Variants in URI1 observed in about 807,000 individuals in gnomAD.
URI1 encodes the protein URI1 prefoldin like chaperone, also known as unconventional prefoldin RPB5 interactor 1.
A neutral mutation model predicts 60.2 loss-of-function variants in URI1; 39 were observed. That is an observed-to-expected ratio of 0.65 (90% CI 0.50 to 0.85). The LOEUF (loss-of-function observed/expected upper bound fraction) is 0.85. URI1 is among the 40% of genes least tolerant of loss of function. The pLI is 0.00. For missense variants in URI1, 691 were observed against 665.9 expected (o/e 1.04, Z -0.42); for synonymous variants, 251 against 236.8 (o/e 1.06, Z -0.55).
At chr19:29,983,717 G>A (rs1464829113) in intron 2 of URI1, among the ~76,000 whole-genome samples, 1 of 152,136 alleles carries the variant, frequency 6.6e-6, no homozygotes, top group African/African-American at 2.4e-5. Flanking sequence ...AAAGTTTGAC[G>A]GGCATCTTGG....
At position 29,942,474 on chromosome 19, in the gene URI1, C is replaced by CA; in HGVS notation, c.-72dup. On this transcript the variant is annotated 5_prime_UTR_variant, in exon 1 of 11. An upstream open reading frame in the 5' UTR loses its in-frame stop. Transcript: ENST00000392271. ...TGAGGGCGGGCGCGCGGGCGCTGGG[C>CA]AACTGCCGGCCGCGCCGCCTGCGCA... 9.3e-7 allele frequency: 1 copy of CA among 1,078,764 alleles called. No homozygotes were observed. Among genetic ancestry groups the CA allele is most frequent in the Non-Finnish European group, 1.1e-6 (1 of 889,802 alleles). The allele number at this position is 1,078,764 out of a possible 1,614,324, so 66.8% of individuals were successfully genotyped here. A position where few individuals can be genotyped will look rare whatever the true frequency, so the allele number is the denominator to read the frequency against.
chr19:29,954,701 A>G (rs933771811), intron 1 of URI1, among the ~76,000 whole-genome samples: 1 of 151,770 alleles, frequency 6.6e-6, no homozygotes, highest in African/African-American at 2.4e-5. Flanking sequence ...TATTTTTAGT[A>G]GAAATGGAGT....
In URI1 at chr19:30,011,153, C is replaced by T. The variant is rs2056012750; in HGVS notation, c.1095C>T (p.Ala365=). ...TLKFSEKKEE[A]KRKRKNSTGS... ...AATTCAGTGAAAAGAAAGAAGAAGC[C>T]AAACGTAAACGAAAGAACAGCACTG... Residue 365 remains alanine, a synonymous_variant, in exon 9 of 11, where the codon GCC becomes GCT. Transcript: ENST00000392271. The T allele has an allele frequency of 1.2e-6, 2 of 1,612,516 alleles. No individual in the cohort carries two copies. The highest frequency in any genetic ancestry group is 1.7e-5 in the Admixed American group (1 of 59,708).
upstream of URI1, among the ~76,000 whole-genome samples, chr19:29,941,622 T>TAA (rs1436201029): frequency 2.2e-5 from 3 of 139,054 alleles, no homozygotes; most frequent in African/African-American, 8.2e-5. Flanking sequence ...CTCAGTCTCT[T>TAA]AAAAAAAAAA....
Position 29,945,666 on chromosome 19 carries a change from CT to C in URI1, c.117+3003del, listed in dbSNP as rs757313688. ...GCAGCTTTGTTTATAAAGAGAAAAA[CT>C]AAAAGTCTGACATTGGGGGATTGGT... On this transcript the variant is annotated intron_variant, in intron 1 of 10. Transcript: ENST00000392271. Among the ~76,000 whole-genome samples, 143 of 152,242 alleles carry C rather than the reference CT, an allele frequency of 9.4e-4. 1 individual carries two copies. Among genetic ancestry groups the C allele is most frequent in the South Asian group, 2.3e-3 (11 of 4,826 alleles).
chr19:29,954,138 C>T (rs935748453), intron 1 of URI1, among the ~76,000 whole-genome samples: 4 of 152,140 alleles, frequency 2.6e-5, no homozygotes, highest in African/African-American at 7.2e-5. Context: ...TATTCATTTG[C>T]TCTATCCTAC....
chr19:29,995,586 T>G (rs1357977987), intron 4 of URI1, among the ~76,000 whole-genome samples: 3 of 152,084 alleles, frequency 2.0e-5, no homozygotes, highest in Non-Finnish European at 4.4e-5. Flanking sequence ...AGAGTGCCCT[T>G]TTACTTTCTT....
intron 7 of URI1, 81 bp downstream of exon 7, chr19:30,007,719 A>G (rs2055962974): frequency 7.9e-7 from 1 of 1,270,292 alleles, no homozygotes; most frequent in African/African-American, 1.5e-5. Flanking sequence ...CATTAATAAA[A>G]TAATATGTGT....
intron 1 of URI1, among the ~76,000 whole-genome samples, chr19:29,954,915 A>G (rs2055225340): frequency 6.6e-6 from 1 of 152,040 alleles, no homozygotes; most frequent in South Asian, 2.1e-4. Context: ...CTGCTTTCTT[A>G]TACAAAAGGC....
intron 4 of URI1, among the ~76,000 whole-genome samples, chr19:29,993,721 T>A (rs762459191): frequency 6.6e-6 from 1 of 152,118 alleles, no homozygotes; most frequent in Non-Finnish European, 1.5e-5. Flanking sequence ...ATCTAAAGGA[T>A]ATTTATTAAA....
chr19:29,990,017 A>G (rs1373880229), intron 4 of URI1, among the ~76,000 whole-genome samples: 1 of 152,120 alleles, frequency 6.6e-6, no homozygotes, highest in Non-Finnish European at 1.5e-5. Context: ...TTATACTTTG[A>G]TATTTTACAA....
intron 1 of URI1, among the ~76,000 whole-genome samples, chr19:29,952,903 T>C (rs2055197316): frequency 6.6e-6 from 1 of 152,214 alleles, no homozygotes; most frequent in Non-Finnish European, 1.5e-5. Flanking sequence ...CATTTATGAC[T>C]ATACATTTTG....
At position 30,012,388 on chromosome 19, in the gene URI1, G is replaced by A. The variant is rs780647923; in HGVS notation, c.1282G>A (p.Ala428Thr). Residue 428 changes from alanine (A) to threonine (T), a missense_variant, in exon 10 of 11, where the codon GCT (alanine) becomes ACT (threonine). Ala to Thr is a moderately conservative substitution (Grantham distance 58). Transcript: ENST00000392271. ...SVCSDTSESS[A>T]AEFDDRRGVL... is the part of the protein sequence containing the mutation. ...GTGTAGCGACACTAGTGAAAGCAGT[G>A]CTGCTGAATTTGATGATAGGCGGGG... is the stretch of plus-strand genomic sequence containing the variant. 6.2e-7 allele frequency: 1 copy of A among 1,614,214 alleles called. No individual in the cohort carries two copies. The highest frequency in any genetic ancestry group is 1.7e-5 in the Admixed American group (1 of 60,030).
chr19:30,003,117 T>G (rs576122229), intron 4 of URI1, among the ~76,000 whole-genome samples: 1 of 152,134 alleles, frequency 6.6e-6, no homozygotes, highest in East Asian at 1.9e-4. Flanking sequence ...TCATTCTGCT[T>G]TTTTAACTGT....
chr19:29,942,764 G>GC, intron 1 of URI1, 100 bp downstream of exon 1: 1 of 1,207,430 alleles, frequency 8.3e-7, no homozygotes, highest in Non-Finnish European at 1.0e-6. Context: ...AGCTGCCCGG[G>GC]CCCCCGGAGG....
intron 1 of URI1, 174 bp from the exon 2 acceptor site, chr19:29,971,019 A>C (rs2055452975): frequency 4.8e-6 from 3 of 622,564 alleles, no homozygotes; most frequent in African/African-American, 1.8e-5. Flanking sequence ...GGTTATGATA[A>C]AGTGTGCTGC....
At chr19:29,974,289 A>T (rs7249169) in intron 2 of URI1, among the ~76,000 whole-genome samples, 1 of 152,032 alleles carries the variant, frequency 6.6e-6, no homozygotes, top group African/African-American at 2.4e-5. Context: ...TGAAAATTTT[A>T]ATTGTCAGAC....
At chr19:29,931,910 T>TTGTGTG (rs56181840) in intron 1 of URI1, among the ~76,000 whole-genome samples, 18,319 of 139,856 alleles carry the variant, frequency 0.13, 1,270 homozygotes, top group African/African-American at 0.19. Context: ...GCTCTAACAG[T>TTGTGTG]TGTGTGTGTG....
chr19:30,009,205 A>G lies in URI1; in HGVS notation c.887A>G (p.Tyr296Cys), dbSNP rs926723943. ...LNCSVNGSSS[Y>C]HSDDDDDDDD... ...TGTTCAGTGAATGGTTCCAGTTCTT[A>G]CCACAGTGATGATGATGATGATGAT... The change falls in exon 8 of 11, where the codon TAC (tyrosine) becomes TGC (cysteine). Residue 296 changes from tyrosine to cysteine, a missense_variant. Transcript: ENST00000392271. 6.3e-7 allele frequency: 1 copy of G among 1,592,234 alleles called. No homozygotes were observed. The highest frequency in any genetic ancestry group is 8.5e-7 in the Non-Finnish European group (1 of 1,171,478).
Sources: gnomAD v4.1 joint callset for allele counts (sites outside exome capture counted in the v4.1 genomes callset) on GRCh38, gnomAD v4.1.1 for gene constraint, MANE v1.5 for transcripts, NCBI Gene and HGNC (gene_info 2026-07-23, HGNC 2026-07-21) for gene names.